SLC24A2: variants seen among roughly 807,000 people sequenced by gnomAD.
SLC24A2 encodes sodium/potassium/calcium exchanger 2.
Under a neutral mutation model 62.0 loss-of-function variants are expected in SLC24A2, and 36 were observed. That is an observed-to-expected ratio of 0.58 (90% CI 0.44 to 0.77). SLC24A2 has a LOEUF of 0.77. Ranked by LOEUF, SLC24A2 falls within the 30% of genes least tolerant of loss-of-function variation. The pLI is 0.00. For synonymous variants in SLC24A2, 358 were observed against 294.0 expected, an observed-to-expected ratio of 1.22 and a Z score of -2.23; for missense variants, 846 against 817.9, an observed-to-expected ratio of 1.03 and a Z score of -0.42.
At chr9:19,528,776 C>T (rs1833551381) in intron 8 of SLC24A2, among the ~76,000 whole-genome samples, 1 of 152,184 alleles carries the variant, frequency 6.6e-6, no homozygotes, top group African/African-American at 2.4e-5. Flanking sequence ...TAGACAGAGG[C>T]AGAAGCGCCC....
chr9:19,810,207 G>A, the SLC24A2 span, among the ~76,000 whole-genome samples: 1 of 152,280 alleles, frequency 6.6e-6, no homozygotes, highest in Non-Finnish European at 1.5e-5. Context: ...GCTCCCCGAG[G>A]AGCACCTGTG....
intron 2 of SLC24A2, among the ~76,000 whole-genome samples, chr9:19,666,044 C>T (rs1489900850): frequency 6.6e-6 from 1 of 152,090 alleles, no homozygotes; most frequent in Non-Finnish European, 1.5e-5. Flanking sequence ...CAGAGGTTAG[C>T]TTTTATAAAA....
the SLC24A2 span, among the ~76,000 whole-genome samples, chr9:20,121,226 C>T: frequency 1.3e-5 from 2 of 151,042 alleles, no homozygotes; most frequent in African/African-American, 4.9e-5. Context: ...GGCATGTTAG[C>T]AATATGAAGT....
At chr9:19,963,748 G>A in the SLC24A2 span, among the ~76,000 whole-genome samples, 1 of 152,030 alleles carries the variant, frequency 6.6e-6, no homozygotes, top group African/African-American at 2.4e-5. Context: ...TGGAGAAATA[G>A]GAACACTTTT....
chr9:20,277,069 C>T, the SLC24A2 span, among the ~76,000 whole-genome samples: 5 of 152,186 alleles, frequency 3.3e-5, no homozygotes, highest in Non-Finnish European at 7.3e-5. Context: ...TCCTCATTAC[C>T]TTTGCAAATT....
At chr9:20,257,577 T>C in the SLC24A2 span, among the ~76,000 whole-genome samples, 1 of 152,152 alleles carries the variant, frequency 6.6e-6, no homozygotes, top group East Asian at 1.9e-4. Context: ...TGTTTATAAG[T>C]ACAGAAAGAG....
At chr9:19,897,967 C>T in the SLC24A2 span, among the ~76,000 whole-genome samples, 127 of 152,272 alleles carry the variant, frequency 8.3e-4, no homozygotes, top group African/African-American at 2.7e-3. Context: ...AGCCACAGTC[C>T]GGTCAGGGAA....
the SLC24A2 span, among the ~76,000 whole-genome samples, chr9:19,981,033 G>A: frequency 2.0e-5 from 3 of 152,128 alleles, no homozygotes; most frequent in African/African-American, 7.2e-5. Context: ...CCTTTATAAT[G>A]AATGCACCTT....
At position 19,742,147 on chromosome 9, in the gene SLC24A2, T is replaced by C. The variant is rs10964263; in HGVS notation, c.930+43790A>G. On this transcript the variant is annotated intron_variant, in intron 2 of 10. Coordinates refer to ENST00000341998, the MANE Select transcript of SLC24A2 (RefSeq NM_020344.4). ...CTCAGAAGCAATTGCCATAAAAGTG[T>C]TGATGTCATAAGCATATGAAAGCCA... Among the ~76,000 whole-genome samples, 5,432 of 152,212 alleles carry C rather than the reference T, an allele frequency of 0.036. 530 individuals carry two copies. The East Asian group carries it at 0.43, about 12-fold the overall frequency.
chr9:20,037,970 T>A, the SLC24A2 span, among the ~76,000 whole-genome samples: 1 of 152,206 alleles, frequency 6.6e-6, no homozygotes, highest in Non-Finnish European at 1.5e-5. Context: ...TATTATCACT[T>A]CAAAAGTTTT....
intron 8 of SLC24A2, among the ~76,000 whole-genome samples, chr9:19,535,975 C>G (rs1188502067): frequency 6.6e-6 from 1 of 150,606 alleles, no homozygotes; most frequent in Non-Finnish European, 1.5e-5. Context: ...TATCCATGAG[C>G]AGGCATGTTG....
chr9:19,994,746 G>T, the SLC24A2 span, among the ~76,000 whole-genome samples: 2 of 152,162 alleles, frequency 1.3e-5, no homozygotes, highest in African/African-American at 4.8e-5. Flanking sequence ...GTGGCTTCAT[G>T]CACCGGTCCT....
the SLC24A2 span, among the ~76,000 whole-genome samples, chr9:20,101,010 G>C: frequency 3.9e-5 from 6 of 152,248 alleles, no homozygotes; most frequent in Middle Eastern, 3.4e-3. Context: ...TGAAACTATG[G>C]TCTCATTTCC....
intron 2 of SLC24A2, among the ~76,000 whole-genome samples, chr9:19,760,133 C>T (rs779179023): frequency 5.3e-5 from 8 of 152,114 alleles, no homozygotes; most frequent in Non-Finnish European, 1.0e-4. Context: ...GACAGCTTCT[C>T]CAAGTCCCAC....
intron 10 of SLC24A2, among the ~76,000 whole-genome samples, chr9:19,520,579 GA>G (rs1366501363): frequency 3.9e-5 from 6 of 152,078 alleles, no homozygotes; most frequent in Admixed American, 3.3e-4. Context: ...TTCTTATCAT[GA>G]AGCTATCACG....
chr9:20,156,856 C>T, the SLC24A2 span, among the ~76,000 whole-genome samples: 1 of 151,628 alleles, frequency 6.6e-6, no homozygotes, highest in East Asian at 2.0e-4. Flanking sequence ...CATCAATTAA[C>T]ATTTTTCCAA....
chr9:20,205,101 G>C, the SLC24A2 span, among the ~76,000 whole-genome samples: 3 of 152,030 alleles, frequency 2.0e-5, no homozygotes, highest in African/African-American at 4.8e-5. Context: ...ATGCCTGCAG[G>C]ATGAAAAGTC....
the SLC24A2 span, among the ~76,000 whole-genome samples, chr9:19,987,616 A>C: frequency 4.6e-5 from 7 of 152,144 alleles, no homozygotes; most frequent in Admixed American, 4.6e-4. Context: ...TCCTGAGGAA[A>C]TGTATCCATT....
chr9:19,710,865 T>C (rs868471810), intron 2 of SLC24A2, among the ~76,000 whole-genome samples: 4 of 152,136 alleles, frequency 2.6e-5, no homozygotes, highest in Non-Finnish European at 4.4e-5. Context: ...CAAATGATCC[T>C]ACCCTCAAGC....
Sources: gnomAD v4.1 joint callset for allele counts (sites outside exome capture counted in the v4.1 genomes callset) on GRCh38, gnomAD v4.1.1 for gene constraint, MANE v1.5 for transcripts, NCBI Gene and HGNC (gene_info 2026-07-23, HGNC 2026-07-21) for gene names.